The following RPS6KC1 variants were observed in gnomAD, a reference collection of about 807,000 sequenced individuals.
The protein encoded by RPS6KC1 is inactive ribosomal protein S6 kinase delta-1.
In RPS6KC1, 54 loss-of-function variants were observed where a neutral mutation model predicts 103.8. The ratio of observed to expected loss-of-function variants is 0.52; its 90% CI spans 0.42 to 0.65. The LOEUF (loss-of-function observed/expected upper bound fraction) is 0.65, where lower values mean the gene tolerates loss of function less well. Among genes scored for constraint, RPS6KC1 ranks in the 30% least tolerant of loss-of-function variants. The pLI is 0.00. For synonymous variants in RPS6KC1, 439 were observed against 438.7 expected (o/e 1.00, Z -0.01); for missense variants, 1,151 against 1,253.8 (o/e 0.92, Z 1.24).
the RPS6KC1 span, among the ~76,000 whole-genome samples, chr1:213,754,309 C>T: frequency 3.2e-3 from 482 of 152,316 alleles, 3 homozygotes; most frequent in African/African-American, 0.011. Flanking sequence ...GCCACTAATC[C>T]GTTAAGGAGG....
intron 5 of RPS6KC1, chr1:213,125,908 T>A (rs2084938366): frequency 6.6e-6 from 1 of 152,038 alleles, no homozygotes; most frequent in Non-Finnish European, 1.5e-5. Flanking sequence ...AGAGTATACA[T>A]AACTTTGCCC....
the RPS6KC1 span, among the ~76,000 whole-genome samples, chr1:213,683,508 C>G: frequency 3.9e-5 from 6 of 152,282 alleles, no homozygotes; most frequent in Non-Finnish European, 7.4e-5. Context: ...TTCCTCCCCC[C>G]AGCCTGCCCA....
intron 8 of RPS6KC1, among the ~76,000 whole-genome samples, chr1:213,209,422 GT>G (rs1365879975): frequency 6.6e-6 from 1 of 152,114 alleles, no homozygotes; most frequent in Non-Finnish European, 1.5e-5. Context: ...GAGGCCAGGT[GT>G]GGTGGCTCAT....
At chr1:213,389,549 G>A in the RPS6KC1 span, among the ~76,000 whole-genome samples, 700 of 152,302 alleles carry the variant, frequency 4.6e-3, 4 homozygotes, top group African/African-American at 0.016. Context: ...CTGCATCCGC[G>A]TGCACACTGA....
the RPS6KC1 span, among the ~76,000 whole-genome samples, chr1:213,791,563 T>A: frequency 6.6e-6 from 1 of 152,114 alleles, no homozygotes; most frequent in Non-Finnish European, 1.5e-5. Flanking sequence ...AATGAAAATA[T>A]AAGACTGCAA....
chr1:213,811,790 T>A, the RPS6KC1 span, among the ~76,000 whole-genome samples: 1 of 152,196 alleles, frequency 6.6e-6, no homozygotes, highest in Non-Finnish European at 1.5e-5. Context: ...AACCTTAAGT[T>A]TTTGTGTTTT....
At position 213,241,098 on chromosome 1, in the gene RPS6KC1, G is replaced by T. The variant is rs144668404; in HGVS notation, c.1622G>T (p.Gly541Val). Residue 541 changes from glycine (G) to valine (V), a missense_variant, in exon 11 of 15, where the codon GGT becomes GTT. Physicochemically the swap from Gly to Val is moderately radical, Grantham distance 109. This residue lies in a region of RPS6KC1 where 959 missense variants were observed against 1,006.3 expected (regional missense o/e 0.95). Transcript: ENST00000366960. Reference sequence around the variant, plus strand: ...CCCTTCATGAAGACTGAAGGGAATGGTGTTGATACAAAAGCTATTAAAAGC... The same window carrying T: ...CCCTTCATGAAGACTGAAGGGAATGTTGTTGATACAAAAGCTATTAAAAGC... ...EEPFMKTEGN[G>V]VDTKAIKSFP... The T allele has an allele frequency of 6.2e-7, 1 of 1,613,658 alleles. No homozygotes were observed. The highest frequency in any genetic ancestry group is 8.5e-7 in the Non-Finnish European group (1 of 1,179,920).
At chr1:213,489,347 G>A in the RPS6KC1 span, among the ~76,000 whole-genome samples, 1 of 152,334 alleles carries the variant, frequency 6.6e-6, no homozygotes, top group Non-Finnish European at 1.5e-5. Flanking sequence ...TGGCAGGAAA[G>A]CCAGTAGGAG....
chr1:213,428,287 A>T, the RPS6KC1 span, among the ~76,000 whole-genome samples: 3 of 152,176 alleles, frequency 2.0e-5, no homozygotes, highest in African/African-American at 7.2e-5. Flanking sequence ...GCCTATAGCA[A>T]TCATCTTTTA....
intron 8 of RPS6KC1, among the ~76,000 whole-genome samples, chr1:213,220,489 G>C (rs1351904443): frequency 6.6e-6 from 1 of 152,048 alleles, no homozygotes; most frequent in Non-Finnish European, 1.5e-5. Flanking sequence ...ACCTCACCCA[G>C]CTGATTTTTG....
chr1:213,805,724 C>A, the RPS6KC1 span, among the ~76,000 whole-genome samples: 2 of 152,170 alleles, frequency 1.3e-5, no homozygotes, highest in Non-Finnish European at 2.9e-5. Context: ...AATCACAAAT[C>A]AAAATGTTCT....
At chr1:213,533,958 G>A in the RPS6KC1 span, among the ~76,000 whole-genome samples, 2,537 of 152,304 alleles carry the variant, frequency 0.017, 30 homozygotes, top group Middle Eastern at 0.034. Context: ...TGGCACTGAA[G>A]GTCTCATCCA....
At chr1:213,619,167 A>G in the RPS6KC1 span, among the ~76,000 whole-genome samples, 1 of 152,052 alleles carries the variant, frequency 6.6e-6, no homozygotes, top group East Asian at 1.9e-4. Flanking sequence ...TTTTATCTTC[A>G]CTCTGCCATC....
At chr1:213,612,288 A>T in the RPS6KC1 span, among the ~76,000 whole-genome samples, 3 of 152,250 alleles carry the variant, frequency 2.0e-5, no homozygotes, top group African/African-American at 7.2e-5. Context: ...GCAGGGTTCA[A>T]TTAGAACTCC....
At chr1:213,304,766 C>T in the RPS6KC1 span, among the ~76,000 whole-genome samples, 1 of 152,084 alleles carries the variant, frequency 6.6e-6, no homozygotes, top group African/African-American at 2.4e-5. Context: ...GTCTCGAACT[C>T]GTGACCTGAG....
At chr1:213,659,042 G>A in the RPS6KC1 span, among the ~76,000 whole-genome samples, 2 of 151,638 alleles carry the variant, frequency 1.3e-5, no homozygotes, top group African/African-American at 2.4e-5. Flanking sequence ...TCAGCTCACC[G>A]CAACCTCCGC....
intron 14 of RPS6KC1, among the ~76,000 whole-genome samples, chr1:213,271,458 T>C (rs1252226881): frequency 4.6e-5 from 7 of 151,834 alleles, no homozygotes; most frequent in Non-Finnish European, 8.8e-5. Flanking sequence ...GAGGAAACTT[T>C]TTAGGGTAAT....
At chr1:213,426,604 A>C in the RPS6KC1 span, among the ~76,000 whole-genome samples, 14 of 152,220 alleles carry the variant, frequency 9.2e-5, no homozygotes, top group Non-Finnish European at 1.9e-4. Context: ...CTTAATGTCT[A>C]TTTCAGGTCA....
chr1:213,759,322 T>C, the RPS6KC1 span, among the ~76,000 whole-genome samples: 19 of 152,342 alleles, frequency 1.2e-4, no homozygotes, highest in African/African-American at 3.8e-4. Flanking sequence ...ATAGTATAAA[T>C]ACAACTTTTA....
Sources: allele counts gnomAD v4.1 joint callset (sites outside exome capture counted in the v4.1 genomes callset), GRCh38; gene constraint gnomAD v4.1.1; regional missense constraint gnomAD v4.1.1; transcripts MANE v1.5; gene names NCBI Gene and HGNC (gene_info 2026-07-23, HGNC 2026-07-21).